UVSSA: variants seen among roughly 807,000 people sequenced by gnomAD.
UVSSA encodes UV-stimulated scaffold protein A.
In UVSSA, 72 loss-of-function variants were observed where a neutral mutation model predicts 73.9. The ratio of observed to expected loss-of-function variants is 0.97; its 90% CI spans 0.81 to 1.19. UVSSA has a LOEUF of 1.19. Ranked by LOEUF, UVSSA falls within the 50% of genes most tolerant of loss-of-function variation. The pLI, the probability that UVSSA is intolerant of heterozygous loss-of-function variation, is 0.00. For missense variants in UVSSA, 1,150 were observed against 965.0 expected (o/e 1.19, Z -2.54); for synonymous variants, 454 against 391.3 (o/e 1.16, Z -1.89).
chr4:1,346,921 G>A (rs1713768809), upstream of UVSSA, among the ~76,000 whole-genome samples: 1 of 152,190 alleles, frequency 6.6e-6, no homozygotes. Flanking sequence ...CCTCGCCCTC[G>A]CCGGGAGCGC....
At chr4:1,380,818 G>A in intron 11 of UVSSA, 62 bp from the exon 12 acceptor site, 2 of 1,594,668 alleles carry the variant, frequency 1.3e-6, no homozygotes, top group East Asian at 4.5e-5. Context: ...TGGTGGTGGG[G>A]GGAGGTGGTC....
exon 14 of UVSSA, chr4:1,395,395 C>T: frequency 5.8e-6 from 9 of 1,560,494 alleles, no homozygotes; most frequent in Non-Finnish European, 6.9e-6. Flanking sequence ...CTCACACGTG[C>T]CCATGTGGAG....
chr4:1,358,695 GTTAATTAGAGCCATT>G lies in UVSSA; in HGVS notation c.1176+3460_1176+3474del, dbSNP rs540232902. On this transcript the variant is annotated intron_variant, in intron 7 of 13. Transcript: ENST00000389851. ...GTGGGGCTGGCTGACAAACGTGGACGTTAATTAGAGCCATTTTAATTAGAAATTATGGACGAGGTG... is the reference window on the plus strand; with the variant it reads ...GTGGGGCTGGCTGACAAACGTGGACGTTAATTAGAAATTATGGACGAGGTG... The G allele has an allele frequency of 9.2e-5, 14 of 152,372 alleles. No homozygotes were observed. In the East Asian group the frequency reaches 2.7e-3, roughly 29 times the overall value. 9.4% of individuals were successfully genotyped at this position (152,372 alleles called of 1,614,324 possible).
rs1214744052 is a variant in UVSSA, at chr4:1,387,044, A to G, written c.*1083A>G. 1 of 151,280 alleles carries G rather than the reference A, an allele frequency of 6.6e-6. No individual in the cohort carries two copies. The highest frequency in any genetic ancestry group is 1.9e-4 in the East Asian group (1 of 5,164). The allele number at this position is 151,280 out of a possible 1,614,324, so 9.4% of individuals were successfully genotyped here. A position where few individuals can be genotyped will look rare whatever the true frequency, so the allele number is the denominator to read the frequency against. On this transcript the variant is annotated 3_prime_UTR_variant, in exon 14 of 14. Transcript: ENST00000389851. ...AGGAGTTTATATGTATACTGTGGAT[A>G]CTAGATCCTCATGTGATTTGCAAAA...
At chr4:1,351,614 C>T (rs1714763917) in intron 3 of UVSSA, 101 bp from the exon 4 acceptor site, 1 of 1,284,192 alleles carries the variant, frequency 7.8e-7, no homozygotes, top group Admixed American at 2.1e-5. Context: ...TGGTCTCGAT[C>T]TCCTGACCTC....
intron 8 of UVSSA, among the ~76,000 whole-genome samples, chr4:1,370,367 G>A (rs914299785): frequency 3.9e-5 from 6 of 152,236 alleles, no homozygotes; most frequent in African/African-American, 1.4e-4. Context: ...CCCGGGACAC[G>A]GCATTGAGTG....
rs547038407 is a variant in UVSSA, at chr4:1,386,877, C to T, written c.*916C>T. ...GGACTACAGGCACACACCACAACAC[C>T]TGGCTAATTTTTTAAATTTTTTGTA... On this transcript the variant is annotated 3_prime_UTR_variant, in exon 14 of 14. Coordinates refer to ENST00000389851, the MANE Select transcript of UVSSA (RefSeq NM_020894.4). 4 of 152,052 alleles carry T rather than the reference C, an allele frequency of 2.6e-5. No homozygotes were observed. Among genetic ancestry groups the T allele is most frequent in the African/African-American group, 4.8e-5 (2 of 41,452 alleles). 9.4% of individuals were successfully genotyped at this position (152,052 alleles called of 1,614,324 possible).
At chr4:1,394,362 A>T (rs1186002412) in exon 14 of UVSSA, 2 of 1,322,692 alleles carry the variant, frequency 1.5e-6, no homozygotes, top group Non-Finnish European at 2.1e-6. Context: ...ATTATATTTG[A>T]AATGTTTTCC....
intron 4 of UVSSA, 49 bp downstream of exon 4, chr4:1,351,884 G>A: frequency 1.2e-6 from 2 of 1,601,024 alleles, no homozygotes; most frequent in African/African-American, 1.3e-5. Flanking sequence ...AGGGTTGCCC[G>A]TGGTCCAGCA....
At chr4:1,355,340 G>C (rs1440052947) in intron 7 of UVSSA, 95 bp downstream of exon 7, 2 of 1,285,152 alleles carry the variant, frequency 1.6e-6, no homozygotes, top group African/African-American at 3.0e-5. Context: ...TGTGGGCCCG[G>C]CGGACCCCAG....
chr4:1,385,222 C>G (rs1404918887), intron 13 of UVSSA: 1 of 153,684 alleles, frequency 6.5e-6, no homozygotes, highest in Non-Finnish European at 1.4e-5. Context: ...TGACCACAGG[C>G]AAAACCCTGC....
chr4:1,394,286 T>A, exon 14 of UVSSA: 1 of 849,112 alleles, frequency 1.2e-6, no homozygotes, highest in Non-Finnish European at 1.8e-6. Context: ...GTTATGTAGT[T>A]GAATTATCAA....
chr4:1,391,148 T>A (rs1327617867), downstream of UVSSA: 4 of 152,912 alleles, frequency 2.6e-5, no homozygotes, highest in African/African-American at 7.3e-5. Flanking sequence ...CTGTTGGGTC[T>A]GATTGGTTTC....
At position 1,349,514 on chromosome 4, in the gene UVSSA, G is replaced by A. The variant is rs377008489; in HGVS notation, c.99-10G>A. ...TGGGGCAGTTGGGTCAGGCCAGCTC[G>A]CATCCCCAGGTCTTCAGAGGAGCAG... is the stretch of plus-strand genomic sequence containing the variant. On this transcript the variant is annotated splice_polypyrimidine_tract_variant and intron_variant, in intron 2 of 13. Coordinates refer to ENST00000389851, the MANE Select transcript of UVSSA (RefSeq NM_020894.4). 8.7e-6 allele frequency: 14 copies of A among 1,609,148 alleles called. No homozygotes were observed. Among genetic ancestry groups the A allele is most frequent in the African/African-American group, 1.3e-5 (1 of 74,966 alleles).
Position 1,353,234 on chromosome 4 carries a change from G to A in UVSSA, c.755G>A (p.Cys252Tyr), listed in dbSNP as rs1560428846. 3.1e-6 allele frequency: 5 copies of A among 1,612,004 alleles called. No individual in the cohort carries two copies. Among genetic ancestry groups the A allele is most frequent in the South Asian group, 2.2e-5 (2 of 91,056 alleles). ...GACCCCCGGGACGGGGAGCAGCCCT[G>A]CTGCAGTAGAGACCTGCCTGCCTCT... Reference protein sequence around the residue: ...TPDPRDGEQPCCSRDLPASAG... With the variant: ...TPDPRDGEQPYCSRDLPASAG... Residue 252 changes from cysteine to tyrosine, a missense_variant, in exon 5 of 14, where the codon TGC becomes TAC. Cys to Tyr is a radical substitution (Grantham distance 194). Coordinates refer to ENST00000389851, the MANE Select transcript of UVSSA (RefSeq NM_020894.4).
rs768962395 is a variant in UVSSA at position 1,354,800 on chromosome 4, A to G, written c.1000A>G (p.Lys334Glu). ...ALIHAARDTL[K>E]LIRNKFLPAV... The stretch of plus-strand genomic sequence containing the variant: ...CATCCACGCCGCCCGCGACACACTC[A>G]AGCTCATCCGGAACAAGTTCCTGCC... The change falls in exon 6 of 14, where the codon AAG becomes GAG. Residue 334 changes from lysine to glutamate, a missense_variant. By Grantham distance (56) the Lys-to-Glu change is moderately conservative (BLOSUM62 1). Coordinates refer to ENST00000389851, the MANE Select transcript of UVSSA (RefSeq NM_020894.4). 3 of 1,612,852 alleles carry G rather than the reference A, an allele frequency of 1.9e-6. No homozygotes were observed. The highest frequency in any genetic ancestry group is 2.2e-5 in the East Asian group (1 of 44,866).
downstream of UVSSA, chr4:1,389,271 C>T (rs1414996488): frequency 3.9e-5 from 6 of 152,304 alleles, no homozygotes; most frequent in African/African-American, 1.2e-4. Context: ...TCATAGCTCA[C>T]TCCAACCTCA....
intron 7 of UVSSA, chr4:1,359,352 G>T (rs956879606): frequency 1.3e-5 from 2 of 152,172 alleles, no homozygotes; most frequent in African/African-American, 4.8e-5. Context: ...GCCTTGCCGC[G>T]CTGTAGGGTG....
At chr4:1,373,674 C>A (rs547312973) in intron 8 of UVSSA, among the ~76,000 whole-genome samples, 20 of 152,306 alleles carry the variant, frequency 1.3e-4, no homozygotes, top group Admixed American at 7.2e-4. Flanking sequence ...ATTGTTTCTT[C>A]AACTGTTTTC....
Sources: gnomAD v4.1 joint callset for allele counts (sites outside exome capture counted in the v4.1 genomes callset) on GRCh38, gnomAD v4.1.1 for gene constraint, MANE v1.5 for transcripts, NCBI Gene and HGNC (gene_info 2026-07-23, HGNC 2026-07-21) for gene names.